The following CADM2 variants were observed in gnomAD, a reference collection of about 807,000 sequenced individuals.
CADM2 encodes cell adhesion molecule 2, also known as immunoglobulin superfamily member 4D.
In CADM2, 12 loss-of-function variants were observed where a neutral mutation model predicts 49.8. That is an observed-to-expected ratio of 0.24 (90% CI 0.15 to 0.39). The LOEUF is 0.39. CADM2 is among the 10% of genes least tolerant of loss of function. The pLI is 1.00. For synonymous variants in CADM2, 214 were observed against 175.4 expected, an observed-to-expected ratio of 1.22 and a Z score of -1.74; for missense variants, 378 against 492.3, an observed-to-expected ratio of 0.77 and a Z score of 2.20.
rs1029082747 is a variant in CADM2 at position 86,017,639 on chromosome 3, A to G, written c.971-47966A>G. Among the ~76,000 whole-genome samples, 40 of 151,564 alleles carry G rather than the reference A, an allele frequency of 2.6e-4. 1 individual carries two copies. The highest frequency in any genetic ancestry group is 1.0e-4 in the Non-Finnish European group (7 of 67,904). ...AGCTCTTCAGGAAGCTGAGGTAGGA[A>G]AGTCACTTAAACCCAGAAGCAGAGG... On this transcript the variant is annotated intron_variant, in intron 8 of 9. Transcript: ENST00000383699.
chr3:85,457,020 A>G (rs545126904), intron 1 of CADM2, among the ~76,000 whole-genome samples: 16 of 152,230 alleles, frequency 1.1e-4, no homozygotes, highest in African/African-American at 3.6e-4. Flanking sequence ...TAGATACTTG[A>G]CAATTAAGAT....
intron 8 of CADM2, among the ~76,000 whole-genome samples, chr3:85,983,439 C>T (rs1345487769): frequency 3.3e-5 from 5 of 151,624 alleles, no homozygotes; most frequent in Non-Finnish European, 5.9e-5. Context: ...TGACCTTCGA[C>T]GGTGCACCAA....
At chr3:84,963,539 C>T (rs2030730682) in intron 1 of CADM2, among the ~76,000 whole-genome samples, 2 of 152,150 alleles carry the variant, frequency 1.3e-5, no homozygotes, top group Admixed American at 1.3e-4. Context: ...ACCTCCAAGA[C>T]AGATACTGGG....
At chr3:85,779,318 C>T (rs2070514518) in intron 2 of CADM2, among the ~76,000 whole-genome samples, 1 of 152,054 alleles carries the variant, frequency 6.6e-6, no homozygotes, top group African/African-American at 2.4e-5. Context: ...TGCCTAAAGC[C>T]TCTGCAGTTT....
intron 1 of CADM2, among the ~76,000 whole-genome samples, chr3:85,572,358 G>GTTT (rs2062504291): frequency 6.6e-6 from 1 of 151,976 alleles, no homozygotes; most frequent in South Asian, 2.1e-4. Context: ...AAATATATGA[G>GTTT]GCATAAAAGT....
intron 1 of CADM2, among the ~76,000 whole-genome samples, chr3:85,218,953 C>T (rs911297492): frequency 6.6e-6 from 1 of 152,112 alleles, no homozygotes; most frequent in Non-Finnish European, 1.5e-5. Context: ...TTGAAACTCA[C>T]CAAAAACAGT....
intron 1 of CADM2, among the ~76,000 whole-genome samples, chr3:85,315,743 TTATC>T (rs1459135033): frequency 6.6e-6 from 1 of 152,192 alleles, no homozygotes; most frequent in Non-Finnish European, 1.5e-5. Context: ...AGCATTCAGT[TTATC>T]TATTTCATTT....
intron 1 of CADM2, among the ~76,000 whole-genome samples, chr3:85,124,243 A>G (rs955606723): frequency 1.3e-5 from 2 of 152,232 alleles, no homozygotes; most frequent in African/African-American, 2.4e-5. Flanking sequence ...AGGCTTTTAG[A>G]AAGATTTACA....
intron 8 of CADM2, among the ~76,000 whole-genome samples, chr3:85,977,400 G>T (rs1276844585): frequency 6.6e-6 from 1 of 151,300 alleles, no homozygotes; most frequent in Non-Finnish European, 1.5e-5. Flanking sequence ...ATTATTGTTT[G>T]TTCATAAATT....
intron 1 of CADM2, among the ~76,000 whole-genome samples, chr3:85,649,046 T>A (rs1476733467): frequency 6.6e-6 from 1 of 152,062 alleles, no homozygotes; most frequent in Non-Finnish European, 1.5e-5. Flanking sequence ...GTGAAGAAAT[T>A]ACTTTTATGA....
At chr3:85,705,315 A>T (rs1025050068) in intron 1 of CADM2, among the ~76,000 whole-genome samples, 1 of 151,518 alleles carries the variant, frequency 6.6e-6, no homozygotes, top group African/African-American at 2.4e-5. Context: ...ACATTGATTC[A>T]TTAACATTTT....
rs199537651 is a variant in CADM2 at position 85,116,580 on chromosome 3, AATC to A, written c.61+156918_61+156920del. Among the ~76,000 whole-genome samples the A allele has an allele frequency of 1.1e-3, 161 of 152,320 alleles. 4 individuals are homozygous for A. In the East Asian group the frequency reaches 0.03, roughly 29 times the overall value. ...TGATTATATCAAACTTCTAGAAAAT[AATC>A]ATCATATTTACATTATATACTTCTC... On this transcript the variant is annotated intron_variant, in intron 1 of 9. Coordinates refer to ENST00000383699, the MANE Select transcript of CADM2 (RefSeq NM_001167675.2).
intron 1 of CADM2, among the ~76,000 whole-genome samples, chr3:85,003,643 C>T (rs2033581988): frequency 6.6e-6 from 1 of 152,004 alleles, no homozygotes; most frequent in Non-Finnish European, 1.5e-5. Context: ...TGTGAACTTG[C>T]TGCTATGATG....
At chr3:86,049,970 A>G (rs1239049211) in intron 8 of CADM2, among the ~76,000 whole-genome samples, 1 of 152,128 alleles carries the variant, frequency 6.6e-6, no homozygotes, top group Non-Finnish European at 1.5e-5. Context: ...CACATTGCAA[A>G]ATACAATCAT....
At chr3:85,791,573 A>AG (rs564846545) in intron 2 of CADM2, among the ~76,000 whole-genome samples, 7 of 150,370 alleles carry the variant, frequency 4.7e-5, no homozygotes, top group African/African-American at 1.7e-4. Context: ...AGAGAGAGAG[A>AG]AAAGAAAGAG....
At chr3:86,012,050 AC>A (rs1731580026) in intron 8 of CADM2, among the ~76,000 whole-genome samples, 1 of 151,968 alleles carries the variant, frequency 6.6e-6, no homozygotes, top group Non-Finnish European at 1.5e-5. Flanking sequence ...ATATAAATAT[AC>A]TCATATGGAA....
intron 1 of CADM2, among the ~76,000 whole-genome samples, chr3:85,119,014 G>A (rs148139807): frequency 6.6e-6 from 1 of 152,152 alleles, no homozygotes; most frequent in Non-Finnish European, 1.5e-5. Flanking sequence ...CTCCCAAAGT[G>A]CTGTGATTCC....
chr3:85,311,241 A>G (rs1354469304), intron 1 of CADM2, among the ~76,000 whole-genome samples: 1 of 152,096 alleles, frequency 6.6e-6, no homozygotes, highest in African/African-American at 2.4e-5. Flanking sequence ...CATTAGCTAG[A>G]TCTTAATTTA....
intron 1 of CADM2, among the ~76,000 whole-genome samples, chr3:85,202,215 CT>C (rs901416807): frequency 2.0e-5 from 3 of 151,710 alleles, no homozygotes; most frequent in African/African-American, 7.3e-5. Context: ...TCCTGTTGAT[CT>C]TTTGACTTCC....
Sources: gnomAD v4.1 joint callset for allele counts (sites outside exome capture counted in the v4.1 genomes callset) on GRCh38, gnomAD v4.1.1 for gene constraint, MANE v1.5 for transcripts, NCBI Gene and HGNC (gene_info 2026-07-23, HGNC 2026-07-21) for gene names.